The following PBRM1 variants were observed in gnomAD, a reference collection of about 807,000 sequenced individuals.
PBRM1 encodes protein polybromo-1.
PBRM1 carries 27 observed loss-of-function variants against 194.5 expected under a neutral mutation model. The ratio of observed to expected loss-of-function variants is 0.14; its 90% CI spans 0.10 to 0.19. PBRM1 has a LOEUF of 0.19. Ranked by LOEUF, PBRM1 falls within the 10% of genes least tolerant of loss-of-function variation. PBRM1 has a pLI of 1.00. For synonymous variants in PBRM1, 655 were observed against 693.2 expected (o/e 0.94, Z 0.87); for missense variants, 1,466 against 2,077.2 (o/e 0.71, Z 5.72).
intron 15 of PBRM1, among the ~76,000 whole-genome samples, chr3:52,612,222 T>C (rs2094660913): frequency 8.2e-6 from 1 of 122,164 alleles, no homozygotes; most frequent in African/African-American, 3.2e-5. Context: ...ATCGTGCCAC[T>C]GACTCCAGCC....
At chr3:52,620,595 T>C (rs898225649) in intron 13 of PBRM1, among the ~76,000 whole-genome samples, 75 of 152,214 alleles carry the variant, frequency 4.9e-4, no homozygotes, top group African/African-American at 1.7e-3. Context: ...AGAAAGTTTT[T>C]AATTAAATTT....
chr3:52,588,911 T>G (rs1007054301), intron 18 of PBRM1, among the ~76,000 whole-genome samples, 159 bp downstream of exon 20: 1 of 152,180 alleles, frequency 6.6e-6, no homozygotes, highest in Admixed American at 6.5e-5. Context: ...GGTCCTATGT[T>G]TTTCATATGA....
In PBRM1 at chr3:52,651,357, T is replaced by C. The variant is rs551531780; in HGVS notation, c.714+385A>G. Among the ~76,000 whole-genome samples, 3 of 152,256 alleles carry C rather than the reference T, an allele frequency of 2.0e-5. No homozygotes were observed. The East Asian group carries it at 5.8e-4, about 29-fold the overall frequency. On this transcript the variant is annotated intron_variant, in intron 6 of 29. Coordinates refer to ENST00000296302, the Ensembl canonical transcript of PBRM1. Reference sequence around the variant, plus strand: ...TATCCTAAAGCTATTTGGAAGCAGATAAAAATAAACAACAGGTTACCCCAT... The same window carrying C: ...TATCCTAAAGCTATTTGGAAGCAGACAAAAATAAACAACAGGTTACCCCAT...
chr3:52,579,343 T>C, intron 20 of PBRM1, 144 bp from the exon 23 acceptor site: 2 of 728,828 alleles, frequency 2.7e-6, no homozygotes, highest in Non-Finnish European at 4.6e-6. Context: ...CCCAGCATTT[T>C]GGGAGGCCAA....
exon 17 of PBRM1, chr3:52,603,618 G>C (rs1192776793): frequency 5.6e-6 from 9 of 1,613,166 alleles, no homozygotes; most frequent in Non-Finnish European, 7.6e-6. Flanking sequence ...AATGTTTTGT[G>C]GTATAGCTGA....
intron 13 of PBRM1, among the ~76,000 whole-genome samples, chr3:52,623,595 A>G (rs2095350530): frequency 6.6e-6 from 1 of 152,224 alleles, no homozygotes; most frequent in Non-Finnish European, 1.5e-5. Context: ...ATAGGTCAAT[A>G]AGCGCTACTT....
In PBRM1 at chr3:52,614,243, C is replaced by T. The variant is rs184323538; in HGVS notation, c.1924+1108G>A. On this transcript the variant is annotated intron_variant, in intron 15 of 29. Transcript: ENST00000296302. ...ACAAAAAACTGGCTGGGCCTGGTGGCGTACATCTGTAGTCCCATCTATGTG... is the reference window on the plus strand; with the variant it reads ...ACAAAAAACTGGCTGGGCCTGGTGGTGTACATCTGTAGTCCCATCTATGTG... 4.0e-5 allele frequency among the ~76,000 whole-genome samples: 6 copies of T among 151,878 alleles called. No individual in the cohort carries two copies. The South Asian group carries it at 8.3e-4, about 21-fold the overall frequency.
chr3:52,676,136 A>AT (rs2097096955), intron 2 of PBRM1, among the ~76,000 whole-genome samples: 1 of 123,780 alleles, frequency 8.1e-6, no homozygotes, highest in Admixed American at 7.7e-5. Flanking sequence ...AAAAAAAAAA[A>AT]AAAAAAAAAA....
chr3:52,681,161 C>T (rs1331836556), upstream of PBRM1: 1 of 151,252 alleles, frequency 6.6e-6, no homozygotes, highest in African/African-American at 2.4e-5. Context: ...ACTACGACAC[C>T]AGCAGCTGAA....
At chr3:52,667,555 C>G (rs1041086562) in intron 3 of PBRM1, among the ~76,000 whole-genome samples, 1 of 151,962 alleles carries the variant, frequency 6.6e-6, no homozygotes, top group Non-Finnish European at 1.5e-5. Context: ...GAGTTCAAGA[C>G]TAGCCTGGCC....
At chr3:52,587,762 G>T (rs1200300918) in intron 18 of PBRM1, among the ~76,000 whole-genome samples, 1 of 151,692 alleles carries the variant, frequency 6.6e-6, no homozygotes, top group Non-Finnish European at 1.5e-5. Flanking sequence ...AATCCACTCT[G>T]CCATGACATG....
intron 26 of PBRM1, among the ~76,000 whole-genome samples, 161 bp from the exon 29 acceptor site, chr3:52,555,040 A>C (rs2081940331): frequency 6.6e-6 from 1 of 152,244 alleles, no homozygotes; most frequent in Admixed American, 6.5e-5. Context: ...TAATGAACAA[A>C]ATAAAAAGTT....
chr3:52,603,883 A>G, intron 16 of PBRM1, 151 bp from the exon 19 acceptor site: 1 of 742,812 alleles, frequency 1.3e-6, no homozygotes, highest in Non-Finnish European at 2.1e-6. Flanking sequence ...GTTTGTTAGA[A>G]CAAAATCCAA....
At chr3:52,670,052 G>C (rs1265581600) in intron 2 of PBRM1, among the ~76,000 whole-genome samples, 1 of 130,966 alleles carries the variant, frequency 7.6e-6, no homozygotes, top group Admixed American at 8.6e-5. Context: ...CTCTCCATCT[G>C]GGCCTACAGG....
At position 52,617,286 on chromosome 3, in the gene PBRM1, C is replaced by T. The variant is rs747248158; in HGVS notation, c.1794G>A (p.Arg598=). Residue 598 remains arginine, a synonymous_variant, in exon 14 of 30, where the codon AGG becomes AGA. Coordinates refer to ENST00000296302, the Ensembl canonical transcript of PBRM1. ...CCTGGGAGCCCTCCTCATTATAGTG[C>T]CTGGCATTCCGGAACATCAGCTTCA... The T allele has an allele frequency of 1.9e-6, 3 of 1,613,778 alleles. No homozygotes were observed. In the South Asian group the frequency reaches 3.3e-5, roughly 18 times the overall value.
rs187293645 is a variant in PBRM1, at chr3:52,555,727, T to G, written c.4454-848A>C. Among the ~76,000 whole-genome samples, 41 of 152,306 alleles carry G rather than the reference T, an allele frequency of 2.7e-4. 1 individual carries two copies. The East Asian group carries it at 7.1e-3, about 26-fold the overall frequency. The stretch of plus-strand genomic sequence containing the variant: ...GAGCATTTTAATTTGAGGTACACAA[T>G]TTCTGTGAACAGAGGCTTTTATTCC... On this transcript the variant is annotated intron_variant, in intron 26 of 29. Coordinates refer to ENST00000296302, the Ensembl canonical transcript of PBRM1.
At chr3:52,617,971 C>A (rs529216373) in intron 13 of PBRM1, among the ~76,000 whole-genome samples, 2 of 152,078 alleles carry the variant, frequency 1.3e-5, no homozygotes, top group Non-Finnish European at 2.9e-5. Context: ...AAATAAAAAA[C>A]CTAAAAAGAG....
intron 22 of PBRM1, among the ~76,000 whole-genome samples, chr3:52,571,353 C>T (rs909775718): frequency 2.1e-5 from 3 of 145,244 alleles, no homozygotes; most frequent in African/African-American, 7.6e-5. Flanking sequence ...ATTGGCCAGG[C>T]GTGGTGGCTC....
chr3:52,577,430 C>CA (rs71084193), intron 21 of PBRM1, among the ~76,000 whole-genome samples: 5,103 of 65,600 alleles, frequency 0.078, 415 homozygotes, highest in East Asian at 0.13. Flanking sequence ...GACAATGTCT[C>CA]AAAAAAAAAA....
Sources: gnomAD v4.1 joint callset for allele counts (sites outside exome capture counted in the v4.1 genomes callset) on GRCh38, gnomAD v4.1.1 for gene constraint, MANE v1.5 for transcripts, NCBI Gene and HGNC (gene_info 2026-07-23, HGNC 2026-07-21) for gene names.